The following THNSL1 variants were observed in gnomAD, a reference collection of about 807,000 sequenced individuals.
The protein encoded by THNSL1 is threonine synthase-like 1.
In THNSL1, 48 loss-of-function variants were observed where a neutral mutation model predicts 50.4. The observed-to-expected ratio is 0.95, with a 90% confidence interval of 0.76 to 1.21. THNSL1 has a LOEUF of 1.21. THNSL1 is among the 50% of genes most tolerant of loss of function. The pLI, the probability that THNSL1 is intolerant of heterozygous loss-of-function variation, is 0.00. For synonymous variants in THNSL1, 309 were observed against 306.1 expected, an observed-to-expected ratio of 1.01 and a Z score of -0.10; for missense variants, 896 against 871.7, an observed-to-expected ratio of 1.03 and a Z score of -0.35.
At chr10:24,982,815 AC>A in the THNSL1 span, 11 of 152,354 alleles carry the variant, frequency 7.2e-5, no homozygotes, top group East Asian at 2.1e-3. Flanking sequence ...AACACTGTAG[AC>A]CATAGAGAAA....
chr10:24,984,616 T>G, the THNSL1 span: 2 of 1,079,372 alleles, frequency 1.9e-6, no homozygotes, highest in Non-Finnish European at 2.6e-6. Context: ...AGCATTCTGA[T>G]TAAGACTATT....
chr10:24,974,461 A>G, the THNSL1 span, among the ~76,000 whole-genome samples: 1 of 152,234 alleles, frequency 6.6e-6, no homozygotes, highest in Non-Finnish European at 1.5e-5. Context: ...GTTCTTAAAG[A>G]AAGTAGACGT....
chr10:24,984,297 G>C, the THNSL1 span: 2 of 1,513,558 alleles, frequency 1.3e-6, no homozygotes, highest in Middle Eastern at 1.7e-4. Flanking sequence ...AGACAGTTTA[G>C]AGTAGCAAGA....
chr10:25,010,844 T>C, the THNSL1 span, among the ~76,000 whole-genome samples: 2 of 151,434 alleles, frequency 1.3e-5, no homozygotes, highest in African/African-American at 2.4e-5. Flanking sequence ...CAGTCTATCA[T>C]TGTTGGACAT....
chr10:24,968,862 A>G, the THNSL1 span, among the ~76,000 whole-genome samples: 1 of 152,070 alleles, frequency 6.6e-6, no homozygotes, highest in Non-Finnish European at 1.5e-5. Flanking sequence ...CTCCGCCTCT[A>G]TTTTCCCAAC....
chr10:24,966,369 C>G, the THNSL1 span, among the ~76,000 whole-genome samples: 2 of 152,206 alleles, frequency 1.3e-5, no homozygotes, highest in African/African-American at 4.8e-5. Flanking sequence ...ACTTTGAAAG[C>G]AGCACCAACT....
At chr10:25,004,070 C>T in the THNSL1 span, among the ~76,000 whole-genome samples, 1 of 152,148 alleles carries the variant, frequency 6.6e-6, no homozygotes, top group African/African-American at 2.4e-5. Flanking sequence ...ATAATTTTTA[C>T]ATGTACACAT....
chr10:24,995,020 CA>C, the THNSL1 span, among the ~76,000 whole-genome samples: 415 of 151,766 alleles, frequency 2.7e-3, 1 homozygote, highest in South Asian at 7.5e-3. Flanking sequence ...GAATATGTCT[CA>C]AAAAAAATCT....
At chr10:24,978,872 C>G in the THNSL1 span, among the ~76,000 whole-genome samples, 7 of 152,094 alleles carry the variant, frequency 4.6e-5, no homozygotes, top group Admixed American at 4.6e-4. Flanking sequence ...GGTTCTGTTT[C>G]TTTGTATTAC....
chr10:24,984,222 C>T, the THNSL1 span: 6 of 830,420 alleles, frequency 7.2e-6, no homozygotes, highest in African/African-American at 1.0e-4. Context: ...GGAATAACTG[C>T]AAATGTCATG....
At chr10:24,990,530 A>G in the THNSL1 span, 1 of 1,614,086 alleles carries the variant, frequency 6.2e-7, no homozygotes, top group African/African-American at 1.3e-5. Context: ...GTTTTCCTGG[A>G]TATAACGATC....
At position 25,023,865 on chromosome 10, in the gene THNSL1, C is replaced by T. The variant is rs1564349673; in HGVS notation, c.642C>T (p.Asp214=). Residue 214 remains aspartate, a synonymous_variant, in exon 3 of 3, where the codon GAC becomes GAT. Transcript: ENST00000376356. The stretch of plus-strand genomic sequence containing the variant: ...GGGCTTCCCCAGAGGAGGTAGCTGA[C>T]AAAGTGCTGAATGCAATTAAAAGAT... ...ESGASPEEVA[D]KVLNAIKRYQ... 1 of 1,614,136 alleles carries T rather than the reference C, an allele frequency of 6.2e-7. No individual in the cohort carries two copies. The highest frequency in any genetic ancestry group is 2.2e-5 in the East Asian group (1 of 44,884).
intron 1 of THNSL1, among the ~76,000 whole-genome samples, chr10:25,020,276 A>ATATCTATATTTATATCTATATC (rs58705370): frequency 6.7e-6 from 1 of 149,428 alleles, no homozygotes; most frequent in East Asian, 2.0e-4. Context: ...ATCTATATCT[A>ATATCTATATTTATATCTATATC]TATATATCTA....
chr10:25,002,211 T>C, the THNSL1 span, among the ~76,000 whole-genome samples: 1 of 152,210 alleles, frequency 6.6e-6, no homozygotes, highest in Admixed American at 6.5e-5. Context: ...ACACGAACTT[T>C]ACCTGGCACT....
At chr10:24,990,542 T>C in the THNSL1 span, 4 of 1,614,104 alleles carry the variant, frequency 2.5e-6, no homozygotes, top group South Asian at 1.1e-5. Context: ...ATAACGATCA[T>C]AGTCTTCTTG....
chr10:25,012,974 T>C (rs142714913), upstream of THNSL1, among the ~76,000 whole-genome samples: 41 of 152,292 alleles, frequency 2.7e-4, no homozygotes, highest in African/African-American at 9.4e-4. Flanking sequence ...GATCTGGTGA[T>C]AGGTAATTGA....
the THNSL1 span, among the ~76,000 whole-genome samples, chr10:24,986,644 A>G: frequency 1.3e-5 from 2 of 152,196 alleles, no homozygotes; most frequent in Non-Finnish European, 2.9e-5. Flanking sequence ...TATTACTTGC[A>G]GTCACAGCAG....
At chr10:24,973,125 CTTA>C in the THNSL1 span, among the ~76,000 whole-genome samples, 2 of 152,018 alleles carry the variant, frequency 1.3e-5, no homozygotes, top group African/African-American at 4.8e-5. Flanking sequence ...TTTTTCTTTC[CTTA>C]TTAAGTCCAT....
At chr10:24,988,686 A>ATATATATATATGTG in the THNSL1 span, among the ~76,000 whole-genome samples, 1 of 16,954 alleles carries the variant, frequency 5.9e-5, no homozygotes, top group African/African-American at 2.7e-4. Flanking sequence ...ATATATATAT[A>ATATATATATATGTG]TATATATATA....
Sources: allele counts gnomAD v4.1 joint callset (sites outside exome capture counted in the v4.1 genomes callset), GRCh38; gene constraint gnomAD v4.1.1; transcripts MANE v1.5; gene names NCBI Gene and HGNC (gene_info 2026-07-23, HGNC 2026-07-21).